DYM: variants seen among roughly 807,000 people sequenced by gnomAD.
DYM encodes dyggve-Melchior-Clausen syndrome protein.
Under a neutral mutation model 93.1 loss-of-function variants are expected in DYM, and 78 were observed. The observed-to-expected ratio is 0.84, with a 90% CI of 0.70 to 1.01. The LOEUF (loss-of-function observed/expected upper bound fraction) is 1.01, where lower values mean the gene tolerates loss of function less well. Ranked by LOEUF, DYM falls within the 50% of genes least tolerant of loss-of-function variation. The pLI is 0.00. For missense variants in DYM, 789 were observed against 845.0 expected, an observed-to-expected ratio of 0.93 and a Z score of 0.82; for synonymous variants, 321 against 319.7, an observed-to-expected ratio of 1.00 and a Z score of -0.04.
At chr18:49,374,725 G>A (rs1050681715) in intron 5 of DYM, among the ~76,000 whole-genome samples, 3 of 152,268 alleles carry the variant, frequency 2.0e-5, no homozygotes, top group Non-Finnish European at 4.4e-5. Context: ...TTGGGAGGCC[G>A]AGGTGGGCAG....
At chr18:49,314,930 G>A (rs1295531017) in intron 8 of DYM, among the ~76,000 whole-genome samples, 1 of 152,206 alleles carries the variant, frequency 6.6e-6, no homozygotes, top group Non-Finnish European at 1.5e-5. Flanking sequence ...GGCCAGGCCG[G>A]TGTCTGAGGG....
chr18:49,236,279 G>A (rs1436484752), intron 13 of DYM, among the ~76,000 whole-genome samples: 1 of 152,074 alleles, frequency 6.6e-6, no homozygotes, highest in African/African-American at 2.4e-5. Context: ...AGGAGATTGA[G>A]ACCATCCTGG....
chr18:49,260,867 A>C (rs2094478698), intron 11 of DYM, among the ~76,000 whole-genome samples: 1 of 152,088 alleles, frequency 6.6e-6, no homozygotes. Flanking sequence ...AGAAAAAAAA[A>C]AAACAAAACA....
At chr18:49,122,191 G>A (rs1027480395) in intron 15 of DYM, among the ~76,000 whole-genome samples, 4 of 152,086 alleles carry the variant, frequency 2.6e-5, no homozygotes, top group African/African-American at 9.7e-5. Flanking sequence ...GTACTTTTAC[G>A]TCTCTGGGAT....
chr18:49,449,618 G>C (rs1375403927), intron 1 of DYM, among the ~76,000 whole-genome samples: 2 of 151,018 alleles, frequency 1.3e-5, no homozygotes, highest in African/African-American at 2.5e-5. Context: ...TGGCAAAAGG[G>C]TAAAAGTTTT....
At chr18:49,272,692 C>G (rs1254128103) in intron 10 of DYM, among the ~76,000 whole-genome samples, 2 of 152,072 alleles carry the variant, frequency 1.3e-5, no homozygotes, top group Non-Finnish European at 2.9e-5. Flanking sequence ...TGCTTAGCAC[C>G]ACCTTTTTAA....
At chr18:49,162,953 A>G (rs1028632589) in intron 15 of DYM, among the ~76,000 whole-genome samples, 1 of 152,200 alleles carries the variant, frequency 6.6e-6, no homozygotes, top group Admixed American at 6.5e-5. Flanking sequence ...AGAGACCAGA[A>G]ACGAAATGAC....
At chr18:49,106,583 T>A (rs1271521037) in intron 16 of DYM, among the ~76,000 whole-genome samples, 3 of 152,214 alleles carry the variant, frequency 2.0e-5, no homozygotes, top group African/African-American at 4.8e-5. Flanking sequence ...CTTCAGGAGC[T>A]CTTTTAGGGC....
intron 6 of DYM, among the ~76,000 whole-genome samples, chr18:49,359,513 C>G (rs1255336265): frequency 6.6e-6 from 1 of 152,188 alleles, no homozygotes; most frequent in Non-Finnish European, 1.5e-5. Context: ...CTGTAATGAA[C>G]TTCTGGGAGT....
intron 13 of DYM, among the ~76,000 whole-genome samples, chr18:49,247,188 C>T (rs539741384): frequency 2.4e-4 from 37 of 152,230 alleles, no homozygotes; most frequent in African/African-American, 8.9e-4. Flanking sequence ...CTCTGGGTTC[C>T]GCTCCTGTAT....
At chr18:49,111,114 T>C (rs543219493) in intron 16 of DYM, among the ~76,000 whole-genome samples, 1 of 152,366 alleles carries the variant, frequency 6.6e-6, no homozygotes, top group African/African-American at 2.4e-5. Context: ...AAGGTTGGTA[T>C]ATGTCTTCTA....
intron 3 of DYM, among the ~76,000 whole-genome samples, chr18:49,390,036 T>G (rs1396062812): frequency 6.6e-6 from 1 of 152,208 alleles, no homozygotes; most frequent in Non-Finnish European, 1.5e-5. Context: ...CCAGCTCTAT[T>G]TAGCAAAAAA....
intron 15 of DYM, among the ~76,000 whole-genome samples, chr18:49,143,609 GTTCT>G (rs994906178): frequency 2.6e-5 from 4 of 152,074 alleles, no homozygotes; most frequent in African/African-American, 7.2e-5. Flanking sequence ...GTTAAATATA[GTTCT>G]TTCTGATTCC....
At chr18:49,116,916 C>T (rs915042309) in intron 16 of DYM, among the ~76,000 whole-genome samples, 12 of 152,120 alleles carry the variant, frequency 7.9e-5, no homozygotes, top group Admixed American at 5.9e-4. Context: ...TTATTAACAC[C>T]AATACTTCTT....
At chr18:49,217,247 G>C (rs1467682277) in intron 13 of DYM, among the ~76,000 whole-genome samples, 8 of 152,328 alleles carry the variant, frequency 5.3e-5, no homozygotes, top group Non-Finnish European at 7.3e-5. Context: ...AGAAATATGG[G>C]ACTATGTGAA....
chr18:49,203,615 G>A lies in DYM; in HGVS notation c.1625+5936C>T, dbSNP rs1007244766. On this transcript the variant is annotated intron_variant, in intron 14 of 17. Coordinates refer to ENST00000675505, the MANE Select transcript of DYM (RefSeq NM_001353214.3). Reference sequence around the variant, plus strand: ...ACTCAGGGTTAAATGGTTTAAGGGCGGTGCAAGATGTGCTTTGTTAAACAG... The same window carrying A: ...ACTCAGGGTTAAATGGTTTAAGGGCAGTGCAAGATGTGCTTTGTTAAACAG... 3.5e-5 allele frequency among the ~76,000 whole-genome samples: 5 copies of A among 141,018 alleles called. No individual in the cohort carries two copies. In the East Asian group the frequency reaches 8.2e-4, roughly 23 times the overall value. 92.5% of individuals were successfully genotyped at this position (141,018 alleles called of 152,430 possible).
chr18:49,160,666 T>G (rs1347375685), intron 15 of DYM, among the ~76,000 whole-genome samples: 1 of 151,864 alleles, frequency 6.6e-6, no homozygotes, highest in Non-Finnish European at 1.5e-5. Flanking sequence ...CAACAAGTGG[T>G]TTAAAGCATT....
chr18:49,232,799 G>A (rs1201298489), intron 13 of DYM, among the ~76,000 whole-genome samples: 6 of 151,570 alleles, frequency 4.0e-5, no homozygotes, highest in African/African-American at 7.3e-5. Context: ...AGTAGAGACC[G>A]GGTTTCACCA....
intron 10 of DYM, among the ~76,000 whole-genome samples, chr18:49,276,332 A>G (rs2094846080): frequency 6.6e-6 from 1 of 151,966 alleles, no homozygotes; most frequent in Non-Finnish European, 1.5e-5. Context: ...AAATAATCAT[A>G]TGATTTTTGT....
Sources: allele counts gnomAD v4.1 joint callset (sites outside exome capture counted in the v4.1 genomes callset), GRCh38; gene constraint gnomAD v4.1.1; transcripts MANE v1.5; gene names NCBI Gene and HGNC (gene_info 2026-07-23, HGNC 2026-07-21).